The following ANGPTL5 variants were observed in gnomAD, a reference collection of about 807,000 sequenced individuals.
The protein encoded by ANGPTL5 is angiopoietin like 5, also known as angiopoietin-related protein 5.
A neutral mutation model predicts 39.4 loss-of-function variants in ANGPTL5; 34 were observed. The observed-to-expected ratio is 0.86, with a 90% CI of 0.66 to 1.15. ANGPTL5 has a LOEUF of 1.15. Ranked by LOEUF, ANGPTL5 falls within the 50% of genes most tolerant of loss-of-function variation. ANGPTL5 has a pLI of 0.00. For synonymous variants in ANGPTL5, 146 were observed against 152.1 expected (o/e 0.96, Z 0.29); for missense variants, 467 against 457.5 (o/e 1.02, Z -0.19).
rs771898220 is a variant in ANGPTL5, at chr11:101,900,525, C to T, written c.566G>A (p.Gly189Glu). The change falls in exon 7 of 9, where the codon GGA becomes GAA. Residue 189 changes from glycine (G) to glutamate (E), a missense_variant. Physicochemically the swap from Gly to Glu is moderately conservative, Grantham distance 98. Transcript: ENST00000334289. ...FEVMCDMDYR[G>E]GGRTVIQKRI... ...TTTCTGTATCACAGTCCGTCCACCT[C>T]CTCTGTAATCCATGTCACACATTAC... 1 of 1,611,308 alleles carries T rather than the reference C, an allele frequency of 6.2e-7. No individual in the cohort carries two copies. The highest frequency in any genetic ancestry group is 8.5e-7 in the Non-Finnish European group (1 of 1,177,662).
At chr11:101,900,634 C>A (rs1939877568) in intron 6 of ANGPTL5, 84 bp from the exon 7 acceptor site, 2 of 1,480,356 alleles carry the variant, frequency 1.4e-6, no homozygotes, top group Non-Finnish European at 1.9e-6. Context: ...CATCCTTAGG[C>A]TTAGAAAAAG....
intron 1 of ANGPTL5, among the ~76,000 whole-genome samples, chr11:101,913,069 T>G (rs1373392991): frequency 6.6e-6 from 1 of 152,186 alleles, no homozygotes; most frequent in Non-Finnish European, 1.5e-5. Context: ...CAATCGTAGC[T>G]CACCACCAGA....
intron 7 of ANGPTL5, 86 bp downstream of exon 7, chr11:101,900,344 T>G: frequency 7.3e-7 from 1 of 1,373,706 alleles, no homozygotes; most frequent in Middle Eastern, 1.8e-4. Flanking sequence ...TTTGCTATTT[T>G]TACTACAGAT....
chr11:101,897,495 C>T (rs1020115409), intron 7 of ANGPTL5, among the ~76,000 whole-genome samples: 14 of 152,102 alleles, frequency 9.2e-5, no homozygotes, highest in African/African-American at 1.9e-4. Context: ...TTAGGTCTTA[C>T]GTTTAAATCT....
chr11:101,915,295 G>A (rs1940180055), intron 1 of ANGPTL5: 2 of 1,613,528 alleles, frequency 1.2e-6, no homozygotes, highest in Non-Finnish European at 8.5e-7. Context: ...ATGCTGGCGG[G>A]GAGGCCCGGA....
chr11:101,902,513 T>C, intron 6 of ANGPTL5, 108 bp downstream of exon 6: 1 of 971,398 alleles, frequency 1.0e-6, no homozygotes, highest in Non-Finnish European at 1.5e-6. Flanking sequence ...TAAAATTTTT[T>C]GAGGAAAAAT....
intron 7 of ANGPTL5, among the ~76,000 whole-genome samples, chr11:101,898,043 G>C (rs1324912488): frequency 6.6e-6 from 1 of 152,000 alleles, no homozygotes; most frequent in Non-Finnish European, 1.5e-5. Flanking sequence ...GATCAACATG[G>C]TGAAACCCCA....
chr11:101,910,540 C>A (rs1940075327), intron 1 of ANGPTL5, among the ~76,000 whole-genome samples: 1 of 151,168 alleles, frequency 6.6e-6, no homozygotes, highest in Non-Finnish European at 1.5e-5. Context: ...TTTATGAGAC[C>A]ACATTAATGA....
chr11:101,898,574 A>G (rs752188937), intron 7 of ANGPTL5, among the ~76,000 whole-genome samples: 1 of 152,202 alleles, frequency 6.6e-6, no homozygotes, highest in Non-Finnish European at 1.5e-5. Flanking sequence ...AAAATATACA[A>G]TCATGTCATC....
chr11:101,909,253 T>G (rs1940051387), intron 1 of ANGPTL5, among the ~76,000 whole-genome samples: 1 of 152,210 alleles, frequency 6.6e-6, no homozygotes, highest in Admixed American at 6.5e-5. Flanking sequence ...CTCTTATTTG[T>G]GGCAATCACT....
chr11:101,907,151 A>T lies in ANGPTL5; in HGVS notation c.193T>A (p.Cys65Ser). 8 of 1,593,990 alleles carry T rather than the reference A, an allele frequency of 5.0e-6. No individual in the cohort carries two copies. Among genetic ancestry groups the T allele is most frequent in the Non-Finnish European group, 1.7e-6 (2 of 1,164,588 alleles). Reference protein sequence around the residue: ...TVCKEDCEESCDVKTKITREE... With the variant: ...TVCKEDCEESSDVKTKITREE... Reference sequence around the variant, plus strand: ...CGTGTAATTTTAGTTTTAACATCACATGATTCCTCACAGTCTTCCTTACAA... The same window carrying T: ...CGTGTAATTTTAGTTTTAACATCACTTGATTCCTCACAGTCTTCCTTACAA... The change falls in exon 3 of 9, where the codon TGT becomes AGT. Residue 65 changes from cysteine to serine, a missense_variant. Transcript: ENST00000334289.
chr11:101,891,517 C>T lies in ANGPTL5; in HGVS notation c.929G>A (p.Cys310Tyr). Residue 310 changes from cysteine to tyrosine, a missense_variant, in exon 9 of 9, where the codon TGT becomes TAT. Transcript: ENST00000334289. ...ACCATTGACCAGGCATGCAGGGCGACACCCATCATTATCAACATCTGATGT... is the reference window on the plus strand; with the variant it reads ...ACCATTGACCAGGCATGCAGGGCGATACCCATCATTATCAACATCTGATGT... ...FSTSDVDNDG[C>Y]RPACLVNGQS... is the part of the protein sequence containing the mutation. 6.2e-7 allele frequency: 1 copy of T among 1,614,076 alleles called. No individual in the cohort carries two copies.
At chr11:101,891,639 T>C (rs748379861) in intron 8 of ANGPTL5, 41 bp from the exon 9 acceptor site, 6 of 1,563,126 alleles carry the variant, frequency 3.8e-6, no homozygotes, top group Non-Finnish European at 5.2e-6. Flanking sequence ...AAAGGAAATT[T>C]CTATTATTTT....
At chr11:101,902,521 A>C (rs1055002801) in intron 6 of ANGPTL5, 100 bp downstream of exon 6, 4 of 1,038,148 alleles carry the variant, frequency 3.9e-6, no homozygotes, top group Non-Finnish European at 5.6e-6. Flanking sequence ...TTTGAGGAAA[A>C]ATTAAATATT....
rs374283089 is a variant in ANGPTL5 at position 101,915,008 on chromosome 11, A to T, written c.-93+1011T>A. The T allele has an allele frequency of 9.2e-5, 36 of 391,746 alleles. 1 individual carries two copies. The South Asian group carries it at 2.1e-3, about 22-fold the overall frequency. 24.3% of individuals were successfully genotyped at this position (391,746 alleles called of 1,614,324 possible). The stretch of plus-strand genomic sequence containing the variant: ...TCCTCCCAGGTTTCCGTTGTCAAGG[A>T]CGCGCCGTCGGTTGTTGTCAAGATG... On this transcript the variant is annotated intron_variant, in intron 1 of 8. Coordinates refer to ENST00000334289, the MANE Select transcript of ANGPTL5 (RefSeq NM_178127.5).
intron 3 of ANGPTL5, among the ~76,000 whole-genome samples, chr11:101,906,154 A>G (rs1939994107): frequency 6.6e-6 from 1 of 152,144 alleles, no homozygotes; most frequent in Admixed American, 6.5e-5. Flanking sequence ...ACTTTATAAG[A>G]TGAGATATAT....
At chr11:101,906,579 T>C (rs1419055731) in intron 3 of ANGPTL5, among the ~76,000 whole-genome samples, 3 of 152,128 alleles carry the variant, frequency 2.0e-5, no homozygotes, top group African/African-American at 7.2e-5. Context: ...GAAATAAACA[T>C]TCACTACCTA....
intron 7 of ANGPTL5, 141 bp from the exon 8 acceptor site, chr11:101,895,205 T>C (rs1181259525): frequency 1.5e-6 from 1 of 684,954 alleles, no homozygotes; most frequent in Non-Finnish European, 2.4e-6. Context: ...ATGACCTAGC[T>C]CAAATTATCA....
chr11:101,905,675 A>G lies in ANGPTL5; in HGVS notation c.345+69T>C, dbSNP rs1939986751. 3 of 1,105,776 alleles carry G rather than the reference A, an allele frequency of 2.7e-6. No homozygotes were observed. The African/African-American group carries it at 4.6e-5, about 17-fold the overall frequency. The allele number at this position is 1,105,776 out of a possible 1,614,324, so 68.5% of individuals were successfully genotyped here. Reference sequence around the variant, plus strand: ...GAACATGAATGCATTTTAAAAAAAGATTATACCTCCAGCTAACTATACATC... The same window carrying G: ...GAACATGAATGCATTTTAAAAAAAGGTTATACCTCCAGCTAACTATACATC... On this transcript the variant is annotated intron_variant, in intron 4 of 8. Coordinates refer to ENST00000334289, the MANE Select transcript of ANGPTL5 (RefSeq NM_178127.5).
Sources: allele counts gnomAD v4.1 joint callset (sites outside exome capture counted in the v4.1 genomes callset), GRCh38; gene constraint gnomAD v4.1.1; transcripts MANE v1.5; gene names NCBI Gene and HGNC (gene_info 2026-07-23, HGNC 2026-07-21).